GPD1L: variants seen among roughly 807,000 people sequenced by gnomAD.
GPD1L encodes glycerol-3-phosphate dehydrogenase 1-like protein.
Under a neutral mutation model 32.9 loss-of-function variants are expected in GPD1L, and 17 were observed. The ratio of observed to expected loss-of-function variants is 0.52; its 90% CI spans 0.35 to 0.78. The LOEUF (loss-of-function observed/expected upper bound fraction) is 0.78, where lower values mean the gene tolerates loss of function less well. GPD1L is among the 30% of genes least tolerant of loss of function. The pLI is 0.01. For synonymous variants in GPD1L, 187 were observed against 165.9 expected (o/e 1.13, Z -0.98); for missense variants, 361 against 447.8 (o/e 0.81, Z 1.75).
chr3:32,111,823 T>G (rs1253496223), intron 1 of GPD1L, among the ~76,000 whole-genome samples: 3 of 152,084 alleles, frequency 2.0e-5, no homozygotes, highest in African/African-American at 4.8e-5. Context: ...GTCTTTTTTT[T>G]TTTTTTGGTC....
Position 32,159,070 on chromosome 3 carries a change from G to A in GPD1L, c.813G>A (p.Arg271=), listed in dbSNP as rs35464343. The stretch of plus-strand genomic sequence containing the variant: ...TGATCACCACCTGTTACGGAGGGCG[G>A]AACCGCAGGGTGGCCGAGGCCTTCG... ...ADLITTCYGG[R]NRRVAEAFAR... The change falls in exon 6 of 8, where the codon CGG becomes CGA. Residue 271 remains arginine, a synonymous_variant. Transcript: ENST00000282541. 5.0e-6 allele frequency: 8 copies of A among 1,613,692 alleles called. No individual in the cohort carries two copies. The East Asian group carries it at 6.7e-5, about 13-fold the overall frequency.
intron 2 of GPD1L, among the ~76,000 whole-genome samples, chr3:32,132,410 G>A (rs1017894103): frequency 2.6e-5 from 4 of 152,074 alleles, no homozygotes; most frequent in African/African-American, 9.7e-5. Context: ...GTATCACATG[G>A]GAAATAAGTT....
chr3:32,141,391 A>T (rs2341421), intron 4 of GPD1L, among the ~76,000 whole-genome samples: 77,109 of 151,940 alleles, frequency 0.51, 21,955 homozygotes, highest in East Asian at 0.89. Context: ...ATCCTTTTTT[A>T]CTATTTGTAT....
intron 7 of GPD1L, among the ~76,000 whole-genome samples, chr3:32,163,480 A>AT (rs1283214014): frequency 2.6e-5 from 4 of 152,072 alleles, no homozygotes; most frequent in East Asian, 1.9e-4. Flanking sequence ...CTGGTTTGTC[A>AT]TTTTTTTAAA....
chr3:32,147,122 C>G (rs1192836772), intron 5 of GPD1L, among the ~76,000 whole-genome samples: 3 of 152,216 alleles, frequency 2.0e-5, no homozygotes, highest in African/African-American at 7.2e-5. Context: ...AATTATGCTA[C>G]TCTACTAGTT....
intron 1 of GPD1L, among the ~76,000 whole-genome samples, chr3:32,122,116 G>A (rs1166762381): frequency 6.6e-6 from 1 of 152,264 alleles, no homozygotes; most frequent in East Asian, 1.9e-4. Context: ...GTCAGTCTCT[G>A]TTTACCAGTC....
At position 32,130,963 on chromosome 3, in the gene GPD1L, C is replaced by T. The variant is rs140377521; in HGVS notation, c.225+2710C>T. On this transcript the variant is annotated intron_variant, in intron 2 of 7. Coordinates refer to ENST00000282541, the MANE Select transcript of GPD1L (RefSeq NM_015141.4). Reference sequence around the variant, plus strand: ...CCAGGAGGCGGAAGTTGCAGTGAGACGAGATTGCCCCGCTGCACTCCAGCC... The same window carrying T: ...CCAGGAGGCGGAAGTTGCAGTGAGATGAGATTGCCCCGCTGCACTCCAGCC... 6.2e-3 allele frequency among the ~76,000 whole-genome samples: 933 copies of T among 151,590 alleles called. 11 individuals are homozygous for T. The highest frequency in any genetic ancestry group is 0.021 in the African/African-American group (858 of 41,276).
At chr3:32,129,545 G>C (rs746353346) in intron 2 of GPD1L, among the ~76,000 whole-genome samples, 1 of 152,188 alleles carries the variant, frequency 6.6e-6, no homozygotes, top group African/African-American at 2.4e-5. Flanking sequence ...GACTCAAAGA[G>C]GCTAATGAAC....
At chr3:32,154,580 C>T (rs151092267) in intron 5 of GPD1L, among the ~76,000 whole-genome samples, 19 of 152,238 alleles carry the variant, frequency 1.2e-4, no homozygotes, top group African/African-American at 2.9e-4. Context: ...GTGATCTTCT[C>T]GGGCAAGGTC....
At chr3:32,163,161 CTTTTTTTTTTTT>C (rs34385950) in intron 7 of GPD1L, among the ~76,000 whole-genome samples, 3 of 78,030 alleles carry the variant, frequency 3.8e-5, no homozygotes, top group African/African-American at 1.0e-4. Flanking sequence ...CTGGTTTGTC[CTTTTTTTTTTTT>C]TTTTTTTTTT....
chr3:32,145,581 G>T (rs538456732), intron 4 of GPD1L, among the ~76,000 whole-genome samples: 1 of 151,256 alleles, frequency 6.6e-6, no homozygotes, highest in South Asian at 2.1e-4. Context: ...AGTGACTTGA[G>T]GGAGGGGCTG....
chr3:32,113,146 A>C (rs995272420), intron 1 of GPD1L, among the ~76,000 whole-genome samples: 1 of 133,412 alleles, frequency 7.5e-6, no homozygotes, highest in Non-Finnish European at 1.5e-5. Context: ...TTTCCCACCA[A>C]TGTAGTCATC....
At chr3:32,143,048 G>A (rs1253662000) in intron 4 of GPD1L, among the ~76,000 whole-genome samples, 2 of 152,078 alleles carry the variant, frequency 1.3e-5, no homozygotes, top group Non-Finnish European at 2.9e-5. Context: ...GCCTGGTATG[G>A]TAGTACATAC....
intron 4 of GPD1L, among the ~76,000 whole-genome samples, chr3:32,141,071 A>G (rs1700735612): frequency 1.3e-5 from 2 of 152,216 alleles, no homozygotes; most frequent in African/African-American, 4.8e-5. Context: ...ATGCTTTGCA[A>G]AAGTTTATCT....
intron 5 of GPD1L, among the ~76,000 whole-genome samples, chr3:32,155,333 G>A (rs1330499258): frequency 6.6e-6 from 1 of 152,210 alleles, no homozygotes; most frequent in African/African-American, 2.4e-5. Context: ...TCATGGGAAT[G>A]ATGATGAGGC....
At chr3:32,144,140 T>C (rs1320439691) in intron 4 of GPD1L, among the ~76,000 whole-genome samples, 1 of 152,226 alleles carries the variant, frequency 6.6e-6, no homozygotes, top group Non-Finnish European at 1.5e-5. Context: ...TTTTCTGTAT[T>C]TGATCATTGC....
chr3:32,134,116 A>G (rs1215824303), intron 2 of GPD1L, among the ~76,000 whole-genome samples: 1 of 152,192 alleles, frequency 6.6e-6, no homozygotes, highest in African/African-American at 2.4e-5. Context: ...GGCTCACAAA[A>G]TCAGTCACCA....
At chr3:32,109,517 G>A (rs1287159716) in intron 1 of GPD1L, among the ~76,000 whole-genome samples, 1 of 152,246 alleles carries the variant, frequency 6.6e-6, no homozygotes, top group Non-Finnish European at 1.5e-5. Context: ...ATTGAGAAAT[G>A]TGCTGATGGT....
intron 1 of GPD1L, among the ~76,000 whole-genome samples, chr3:32,123,709 G>T (rs966185827): frequency 9.9e-5 from 15 of 152,096 alleles, no homozygotes; most frequent in Admixed American, 2.0e-4. Context: ...CAGACAGACA[G>T]ATAGATAGAT....
Sources: allele counts gnomAD v4.1 joint callset (sites outside exome capture counted in the v4.1 genomes callset), GRCh38; gene constraint gnomAD v4.1.1; transcripts MANE v1.5; gene names NCBI Gene and HGNC (gene_info 2026-07-23, HGNC 2026-07-21).